The following AGBL4 variants were observed in gnomAD, a reference collection of about 807,000 sequenced individuals.
The protein encoded by AGBL4 is cytosolic carboxypeptidase 6.
Under a neutral mutation model 66.4 loss-of-function variants are expected in AGBL4, and 58 were observed. The ratio of observed to expected loss-of-function variants is 0.87; its 90% CI spans 0.71 to 1.09. AGBL4 has a LOEUF of 1.09. Among genes scored for constraint, AGBL4 ranks in the 50% least tolerant of loss-of-function variants. The pLI is 0.00. For missense variants in AGBL4, 579 were observed against 631.0 expected, an observed-to-expected ratio of 0.92 and a Z score of 0.88; for synonymous variants, 234 against 222.9, an observed-to-expected ratio of 1.05 and a Z score of -0.44.
chr1:48,648,491 A>G (rs985397300), intron 8 of AGBL4, among the ~76,000 whole-genome samples: 2 of 152,198 alleles, frequency 1.3e-5, no homozygotes, highest in African/African-American at 4.8e-5. Flanking sequence ...GCCAGGCGAG[A>G]GAAGTGTCTT....
At chr1:48,763,228 T>C (rs1644365949) in intron 6 of AGBL4, among the ~76,000 whole-genome samples, 1 of 152,180 alleles carries the variant, frequency 6.6e-6, no homozygotes, top group South Asian at 2.1e-4. Flanking sequence ...AAACGGCCTT[T>C]CCCACTGAGT....
At chr1:49,175,536 T>C (rs1315470081) in intron 4 of AGBL4, among the ~76,000 whole-genome samples, 1 of 152,106 alleles carries the variant, frequency 6.6e-6, no homozygotes, top group East Asian at 1.9e-4. Context: ...CAACATTCAT[T>C]AAAACATTGA....
At chr1:49,370,784 C>G (rs1407327204) in intron 3 of AGBL4, among the ~76,000 whole-genome samples, 1 of 152,180 alleles carries the variant, frequency 6.6e-6, no homozygotes, top group African/African-American at 2.4e-5. Context: ...GAGATCTGAT[C>G]TTCCTGCTTC....
intron 4 of AGBL4, among the ~76,000 whole-genome samples, chr1:49,132,093 C>T (rs548287702): frequency 9.9e-5 from 15 of 151,826 alleles, no homozygotes; most frequent in Middle Eastern, 6.8e-3. Flanking sequence ...AGAAAATTAG[C>T]GAAGGGAGAG....
intron 5 of AGBL4, among the ~76,000 whole-genome samples, chr1:48,922,168 C>G (rs1054380253): frequency 6.6e-6 from 1 of 152,024 alleles, no homozygotes; most frequent in African/African-American, 2.4e-5. Flanking sequence ...CTGCTCTGGC[C>G]CCTGTTCTTG....
chr1:49,270,368 A>AGGT (rs1644029588), intron 3 of AGBL4, among the ~76,000 whole-genome samples: 1 of 152,160 alleles, frequency 6.6e-6, no homozygotes, highest in Non-Finnish European at 1.5e-5. Context: ...AGGTCACGTC[A>AGGT]GGTGGCCAGT....
intron 3 of AGBL4, among the ~76,000 whole-genome samples, chr1:49,460,267 CT>C (rs1557961056): frequency 6.6e-6 from 1 of 151,654 alleles, no homozygotes; most frequent in Non-Finnish European, 1.5e-5. Flanking sequence ...ACTTTGAGAG[CT>C]CTAGTGTTAG....
At chr1:49,848,800 A>G in intron 2 of AGBL4, among the ~76,000 whole-genome samples, 1 of 152,212 alleles carries the variant, frequency 6.6e-6, no homozygotes, top group Non-Finnish European at 1.5e-5. Context: ...TACCCCTTAA[A>G]TTTATTCAAA....
intron 1 of AGBL4, among the ~76,000 whole-genome samples, chr1:49,968,659 C>T (rs1443906440): frequency 6.6e-6 from 1 of 152,130 alleles, no homozygotes; most frequent in African/African-American, 2.4e-5. Context: ...TTAATGTAAA[C>T]AGAAGTTTTG....
At chr1:49,917,073 C>T (rs546509318) in intron 1 of AGBL4, among the ~76,000 whole-genome samples, 4 of 152,296 alleles carry the variant, frequency 2.6e-5, no homozygotes, top group South Asian at 4.1e-4. Context: ...CCAACAAGAG[C>T]TCCTGAAAGA....
chr1:49,204,534 C>G (rs993515358), intron 4 of AGBL4, among the ~76,000 whole-genome samples: 1 of 152,102 alleles, frequency 6.6e-6, no homozygotes, highest in African/African-American at 2.4e-5. Context: ...CCCACTTTGG[C>G]CTCCCAAAGT....
At chr1:48,957,176 A>G (rs946042417) in intron 5 of AGBL4, among the ~76,000 whole-genome samples, 12 of 152,148 alleles carry the variant, frequency 7.9e-5, no homozygotes, top group Admixed American at 3.3e-4. Flanking sequence ...TTACATATAT[A>G]TGTACCTATA....
In AGBL4 at chr1:49,167,274, C is replaced by T. The variant is rs563937801; in HGVS notation, c.377+78496G>A. On this transcript the variant is annotated intron_variant, in intron 4 of 13. Coordinates refer to ENST00000371839, the MANE Select transcript of AGBL4 (RefSeq NM_032785.4). ...ATTTATATGTTGACAGAATATAGAC[C>T]TCTCATTTTTGCTGGAATGTAGTCT... Among the ~76,000 whole-genome samples, 6 of 152,168 alleles carry T rather than the reference C, an allele frequency of 3.9e-5. No homozygotes were observed. The East Asian group carries it at 1.2e-3, about 29-fold the overall frequency.
chr1:49,579,386 G>A (rs556940744), intron 3 of AGBL4, among the ~76,000 whole-genome samples: 2 of 152,046 alleles, frequency 1.3e-5, no homozygotes, highest in Non-Finnish European at 2.9e-5. Context: ...CAGATACTTG[G>A]TATGATTTTT....
At chr1:49,698,425 G>A (rs746776135) in intron 2 of AGBL4, among the ~76,000 whole-genome samples, 2 of 152,042 alleles carry the variant, frequency 1.3e-5, no homozygotes, top group Non-Finnish European at 2.9e-5. Context: ...TGTCCTAAAT[G>A]CTAAATGAAC....
In AGBL4 at chr1:49,150,169, C is replaced by T. The variant is rs991698389; in HGVS notation, c.377+95601G>A. Among the ~76,000 whole-genome samples the T allele has an allele frequency of 1.2e-4, 18 of 152,284 alleles. 1 individual carries two copies. The highest frequency in any genetic ancestry group is 5.2e-4 in the Admixed American group (8 of 15,292). On this transcript the variant is annotated intron_variant, in intron 4 of 13. Transcript: ENST00000371839. ...TTGGTGAGATCAGTGTAAAACATGT[C>T]TAGCTAGTGACTTAACTATGGAATC...
intron 3 of AGBL4, among the ~76,000 whole-genome samples, chr1:49,501,799 T>G (rs545233816): frequency 1.2e-4 from 18 of 152,188 alleles, no homozygotes; most frequent in Admixed American, 1.2e-3. Context: ...AATTTTGATA[T>G]GTTGAGTTTT....
At chr1:49,533,912 C>A (rs74635783) in intron 3 of AGBL4, among the ~76,000 whole-genome samples, 179 of 152,132 alleles carry the variant, frequency 1.2e-3, no homozygotes, top group African/African-American at 4.2e-3. Flanking sequence ...GTGTGAGTCA[C>A]GCTGCAGGTT....
chr1:49,797,699 C>A (rs572951675), intron 2 of AGBL4, among the ~76,000 whole-genome samples: 1 of 152,296 alleles, frequency 6.6e-6, no homozygotes, highest in South Asian at 2.1e-4. Context: ...GCCAACTAAG[C>A]CTCCCAAAGC....
Sources: gnomAD v4.1 joint callset for allele counts (sites outside exome capture counted in the v4.1 genomes callset) on GRCh38, gnomAD v4.1.1 for gene constraint, MANE v1.5 for transcripts, NCBI Gene and HGNC (gene_info 2026-07-23, HGNC 2026-07-21) for gene names.